CASQ2: variants seen among roughly 807,000 people sequenced by gnomAD.
The protein encoded by CASQ2 is calsequestrin-2.
A neutral mutation model predicts 46.5 loss-of-function variants in CASQ2; 49 were observed. The ratio of observed to expected loss-of-function variants is 1.05; its 90% CI spans 0.84 to 1.34. CASQ2 has a LOEUF of 1.34. Among genes scored for constraint, CASQ2 ranks in the 40% most tolerant of loss-of-function variants. The pLI, the probability that CASQ2 is intolerant of heterozygous loss-of-function variation, is 0.00. For synonymous variants in CASQ2, 174 were observed against 168.5 expected (o/e 1.03, Z -0.25); for missense variants, 486 against 481.3 (o/e 1.01, Z -0.09).
rs1032927188 is a variant in CASQ2, at chr1:115,738,237, A to G, written c.519T>C (p.Ser173=). 1 of 1,605,008 alleles carries G rather than the reference A, an allele frequency of 6.2e-7. No homozygotes were observed. The highest frequency in any genetic ancestry group is 8.5e-7 in the Non-Finnish European group (1 of 1,171,712). Residue 173 remains serine (S), a synonymous_variant, in exon 4 of 11, where the codon AGT becomes AGC. Transcript: ENST00000261448. ...CAGACAACTTACATTCTGAGTCCTC[A>G]CTCTTGAAAAAGCCAATGAGTTTGA... ...DYIKLIGFFK[S]EDSEYYKAFE... is the part of the protein sequence containing the mutation.
At chr1:115,728,258 A>T (rs912044337) in intron 5 of CASQ2, among the ~76,000 whole-genome samples, 4 of 152,178 alleles carry the variant, frequency 2.6e-5, no homozygotes, top group Non-Finnish European at 5.9e-5. Context: ...GGTTTTTGTC[A>T]TCAATTGCTA....
intron 7 of CASQ2, among the ~76,000 whole-genome samples, chr1:115,723,494 G>A (rs927607333): frequency 6.6e-6 from 1 of 152,018 alleles, no homozygotes; most frequent in Non-Finnish European, 1.5e-5. Context: ...CTATTTTAAA[G>A]CACTATTATA....
chr1:115,711,401 T>G (rs1228488098), intron 8 of CASQ2, among the ~76,000 whole-genome samples: 1 of 152,120 alleles, frequency 6.6e-6, no homozygotes, highest in Non-Finnish European at 1.5e-5. Context: ...CGCTCCCCTT[T>G]CATCTCCTCC....
Position 115,701,283 on chromosome 1 carries a change from A to G in CASQ2, c.1158T>C (p.Asp386=). The part of the protein sequence containing the change: ...DEDDDDDDNS[D]EEDNDDSDDD... ...CATCACTGTCATCATTATCCTCTTC[A>G]TCAGAATTATCATCATCATCATCAT... The change falls in exon 11 of 11, where the codon GAT becomes GAC. Residue 386 remains aspartate, a synonymous_variant. Transcript: ENST00000261448. 1 of 1,598,946 alleles carries G rather than the reference A, an allele frequency of 6.3e-7. No individual in the cohort carries two copies.
chr1:115,758,299 A>G (rs1648827376), intron 1 of CASQ2, among the ~76,000 whole-genome samples: 1 of 152,254 alleles, frequency 6.6e-6, no homozygotes. Flanking sequence ...TAACATATGT[A>G]AAGCCCCATA....
chr1:115,741,988 G>A (rs570428166), intron 2 of CASQ2, among the ~76,000 whole-genome samples: 10 of 152,214 alleles, frequency 6.6e-5, no homozygotes, highest in Non-Finnish European at 1.0e-4. Flanking sequence ...CTGGCACATG[G>A]GCGGGAAATG....
At chr1:115,754,195 G>T (rs970771687) in intron 1 of CASQ2, among the ~76,000 whole-genome samples, 1 of 152,208 alleles carries the variant, frequency 6.6e-6, no homozygotes, top group South Asian at 2.1e-4. Flanking sequence ...GGCATGTGAT[G>T]TGTTCACGAA....
intron 7 of CASQ2, among the ~76,000 whole-genome samples, chr1:115,724,548 A>G (rs966129686): frequency 2.0e-5 from 3 of 152,208 alleles, no homozygotes; most frequent in Non-Finnish European, 4.4e-5. Context: ...GCTTTGAAAA[A>G]TGCTCCACAG....
At chr1:115,715,746 A>G in intron 8 of CASQ2, among the ~76,000 whole-genome samples, 1 of 152,214 alleles carries the variant, frequency 6.6e-6, no homozygotes, top group Non-Finnish European at 1.5e-5. Flanking sequence ...TTCACTCTGT[A>G]AGAAACTATG....
Position 115,742,351 on chromosome 1 carries a change from G to C in CASQ2, c.320-1523C>G, listed in dbSNP as rs923205247. ...AGGGAACATTGGCCAGTGTCCTGCT[G>C]TTGGATTTTGTCTTGAGCAAAACCG... On this transcript the variant is annotated intron_variant, in intron 2 of 10. Transcript: ENST00000261448. 3.9e-5 allele frequency among the ~76,000 whole-genome samples: 6 copies of C among 152,274 alleles called. No individual in the cohort carries two copies. In the East Asian group the frequency reaches 5.8e-4, roughly 15 times the overall value.
rs374591392 is a variant in CASQ2 at position 115,748,148 on chromosome 1, T to C, written c.235-3236A>G. Among the ~76,000 whole-genome samples, 13 of 152,332 alleles carry C rather than the reference T, an allele frequency of 8.5e-5. 1 individual carries two copies. Among genetic ancestry groups the C allele is most frequent in the East Asian group, 7.7e-4 (4 of 5,188 alleles). ...TTAGGATTTATTGTCTTCTTGATGGTTTGACCCTGGATCTGTTTGGCTCTA... is the reference window on the plus strand; with the variant it reads ...TTAGGATTTATTGTCTTCTTGATGGCTTGACCCTGGATCTGTTTGGCTCTA... On this transcript the variant is annotated intron_variant, in intron 1 of 10. Transcript: ENST00000261448.
At chr1:115,708,214 A>G (rs1654423778) in intron 8 of CASQ2, among the ~76,000 whole-genome samples, 1 of 152,260 alleles carries the variant, frequency 6.6e-6, no homozygotes, top group Non-Finnish European at 1.5e-5. Flanking sequence ...TTTCAAGAAA[A>G]TAAAAGGTTT....
chr1:115,728,573 C>G (rs527393717), intron 5 of CASQ2, among the ~76,000 whole-genome samples: 4 of 151,988 alleles, frequency 2.6e-5, no homozygotes, highest in African/African-American at 7.3e-5. Flanking sequence ...ATTCTAGGAA[C>G]CAGAAGACTG....
At chr1:115,708,771 T>G (rs1344170853) in intron 8 of CASQ2, among the ~76,000 whole-genome samples, 1 of 152,196 alleles carries the variant, frequency 6.6e-6, no homozygotes, top group East Asian at 1.9e-4. Flanking sequence ...ATTTACCACA[T>G]CGGTATTACG....
In CASQ2 at chr1:115,700,223, A is replaced by ATTTTT. The variant is rs11347859; in HGVS notation, c.*1013_*1017dup. Reference sequence around the variant, plus strand: ...TAGACAGCTCAGAAGGCACTTTGGGATTTTTTTTTTTTTCAGTGCCTCAGG... The same window carrying ATTTTT: ...TAGACAGCTCAGAAGGCACTTTGGGATTTTTTTTTTTTTTTTTTCAGTGCCTCAGG... On this transcript the variant is annotated 3_prime_UTR_variant, in exon 11 of 11. Transcript: ENST00000261448. The ATTTTT allele has an allele frequency of 6.7e-6, 1 of 148,352 alleles. No homozygotes were observed. Among genetic ancestry groups the ATTTTT allele is most frequent in the Non-Finnish European group, 1.5e-5 (1 of 66,658 alleles). 9.2% of individuals were successfully genotyped at this position (148,352 alleles called of 1,614,324 possible). A position where few individuals can be genotyped will look rare whatever the true frequency, so the allele number is the denominator to read the frequency against.
At chr1:115,765,336 G>T (rs1436559198) in intron 1 of CASQ2, among the ~76,000 whole-genome samples, 1 of 152,182 alleles carries the variant, frequency 6.6e-6, no homozygotes, top group Non-Finnish European at 1.5e-5. Context: ...TCACTCTGTG[G>T]ATGGAGCTGT....
At chr1:115,705,806 G>C (rs1308923910) in intron 8 of CASQ2, among the ~76,000 whole-genome samples, 1 of 151,994 alleles carries the variant, frequency 6.6e-6, no homozygotes. Flanking sequence ...ATAGTAAATG[G>C]GGCTTCCCTC....
chr1:115,726,685 A>G (rs1209946968), intron 6 of CASQ2, among the ~76,000 whole-genome samples: 2 of 152,240 alleles, frequency 1.3e-5, no homozygotes, highest in African/African-American at 4.8e-5. Context: ...GGTTATTGGT[A>G]TATGGGAACT....
chr1:115,740,697 C>A, intron 3 of CASQ2, 31 bp downstream of exon 3: 3 of 1,339,322 alleles, frequency 2.2e-6, no homozygotes, highest in South Asian at 1.2e-5. Context: ...AGAGGCAGCT[C>A]CATGCAGGGT....
Sources: allele counts gnomAD v4.1 joint callset (sites outside exome capture counted in the v4.1 genomes callset), GRCh38; gene constraint gnomAD v4.1.1; transcripts MANE v1.5; gene names NCBI Gene and HGNC (gene_info 2026-07-23, HGNC 2026-07-21).